The following COL27A1 variants were observed in gnomAD, a reference collection of about 807,000 sequenced individuals.
COL27A1 encodes the protein collagen type XXVII alpha 1 chain.
A neutral mutation model predicts 251.3 loss-of-function variants in COL27A1; 106 were observed. The ratio of observed to expected loss-of-function variants is 0.42; its 90% CI spans 0.36 to 0.50. The LOEUF is 0.50. Ranked by LOEUF, COL27A1 falls within the 20% of genes least tolerant of loss-of-function variation. The pLI is 0.00. For missense variants in COL27A1, 2,325 were observed against 2,522.8 expected (o/e 0.92, Z 1.68); for synonymous variants, 1,000 against 986.3 (o/e 1.01, Z -0.26).
At position 114,205,696 on chromosome 9, in the gene COL27A1, C is replaced by A; in HGVS notation, c.2170-63C>A. The A allele has an allele frequency of 2.1e-6, 3 of 1,430,230 alleles. No individual in the cohort carries two copies. The South Asian group carries it at 3.4e-5, about 16-fold the overall frequency. The allele number at this position is 1,430,230 out of a possible 1,614,324, so 88.6% of individuals were successfully genotyped here. A position where few individuals can be genotyped will look rare whatever the true frequency, so the allele number is the denominator to read the frequency against. ...ATTGTCAGCCCCAGTCTCCCAGGGT[C>A]CCCCAGACCCAGAGCTGGGCAGGGT... is the stretch of plus-strand genomic sequence containing the variant. On this transcript the variant is annotated intron_variant, in intron 8 of 60. Coordinates refer to ENST00000356083, the MANE Select transcript of COL27A1 (RefSeq NM_032888.4).
At position 114,266,529 on chromosome 9, in the gene COL27A1, C is replaced by G. The variant is rs371261006; in HGVS notation, c.3394-36C>G. The G allele has an allele frequency of 6.9e-6, 11 of 1,600,320 alleles. No homozygotes were observed. In the African/African-American group the frequency reaches 1.2e-4, roughly 18 times the overall value. Reference sequence around the variant, plus strand: ...GATCCCAAAGAGGGCCCAGGCTGACCTCTCCCAACTGTCTGTGTGTCTGTC... The same window carrying G: ...GATCCCAAAGAGGGCCCAGGCTGACGTCTCCCAACTGTCTGTGTGTCTGTC... On this transcript the variant is annotated intron_variant, in intron 32 of 60. Coordinates refer to ENST00000356083, the MANE Select transcript of COL27A1 (RefSeq NM_032888.4).
chr9:114,305,663 G>C (rs1217152024), intron 57 of COL27A1, among the ~76,000 whole-genome samples: 1 of 152,136 alleles, frequency 6.6e-6, no homozygotes, highest in African/African-American at 2.4e-5. Context: ...CACACCAGGG[G>C]GAGGCACCAC....
upstream of COL27A1, among the ~76,000 whole-genome samples, chr9:114,154,892 A>G (rs1309907361): frequency 1.3e-5 from 2 of 151,992 alleles, no homozygotes; most frequent in African/African-American, 4.8e-5. The surrounding 1 kb of genome is among the most constrained non-coding windows in gnomAD (Gnocchi z 5.8). Flanking sequence ...TTTGGGTGTG[A>G]GAATTTGCCC....
chr9:114,228,883 G>T (rs533501365), intron 14 of COL27A1, among the ~76,000 whole-genome samples: 9 of 151,836 alleles, frequency 5.9e-5, no homozygotes, highest in Non-Finnish European at 1.0e-4. Context: ...GTTCAATGAC[G>T]CTATCACAGC....
intron 37 of COL27A1, among the ~76,000 whole-genome samples, chr9:114,280,588 T>C (rs891447715): frequency 2.0e-5 from 3 of 152,224 alleles, no homozygotes; most frequent in African/African-American, 7.2e-5. Context: ...AAGTGTTCGG[T>C]AGCTGTATGT....
chr9:114,252,925 G>A lies in COL27A1; in HGVS notation c.3134G>A (p.Gly1045Glu). ...PGGMGTPGEP[G>E]PQGPPGSRGP... ...GGTATGGGGACCCCTGGAGAGCCTG[G>A]ACCCCAGGTAAGCAAAGCCCTCGTG... The change falls in exon 27 of 61, where the codon GGA becomes GAA. Residue 1045 changes from glycine to glutamate, a missense_variant. Gly to Glu is a moderately conservative substitution (Grantham distance 98). Transcript: ENST00000356083. 1 of 1,613,184 alleles carries A rather than the reference G, an allele frequency of 6.2e-7. No individual in the cohort carries two copies. The highest frequency in any genetic ancestry group is 8.5e-7 in the Non-Finnish European group (1 of 1,179,426).
At chr9:114,258,036 A>G (rs1043872747) in intron 27 of COL27A1, among the ~76,000 whole-genome samples, 5 of 152,112 alleles carry the variant, frequency 3.3e-5, no homozygotes, top group African/African-American at 1.2e-4. Context: ...TGTCTCCACA[A>G]AAATAAGAAA....
At chr9:114,257,612 G>A (rs113235891) in intron 27 of COL27A1, among the ~76,000 whole-genome samples, 1 of 151,410 alleles carries the variant, frequency 6.6e-6, no homozygotes, top group Non-Finnish European at 1.5e-5. Flanking sequence ...CTGCCCATTT[G>A]CCCGGGGCTG....
Position 114,280,865 on chromosome 9 carries a change from A to C in COL27A1, c.3718-1412A>C, listed in dbSNP as rs530427306. 2.6e-5 allele frequency among the ~76,000 whole-genome samples: 4 copies of C among 152,324 alleles called. No homozygotes were observed. The South Asian group carries it at 8.3e-4, about 32-fold the overall frequency. Reference sequence around the variant, plus strand: ...GAGCAGACATTTCTCCCTTGTGCTGAATCAAAGCCAGCCGCCCCATAATTT... The same window carrying C: ...GAGCAGACATTTCTCCCTTGTGCTGCATCAAAGCCAGCCGCCCCATAATTT... On this transcript the variant is annotated intron_variant, in intron 37 of 60. Coordinates refer to ENST00000356083, the MANE Select transcript of COL27A1 (RefSeq NM_032888.4).
At chr9:114,306,337 C>T (rs1829043668) in intron 57 of COL27A1, 183 bp from the exon 58 acceptor site, 3 of 599,318 alleles carry the variant, frequency 5.0e-6, no homozygotes, top group East Asian at 5.7e-5. Flanking sequence ...AGCCTCTCCT[C>T]CTGCACTTTG....
intron 49 of COL27A1, among the ~76,000 whole-genome samples, chr9:114,296,434 A>C (rs1828262663): frequency 6.6e-6 from 1 of 152,238 alleles, no homozygotes; most frequent in Admixed American, 6.5e-5. Flanking sequence ...ACTGATAGCA[A>C]ATAAGCACAT....
intron 24 of COL27A1, among the ~76,000 whole-genome samples, chr9:114,247,247 G>A (rs1833203565): frequency 6.6e-6 from 1 of 152,186 alleles, no homozygotes; most frequent in Non-Finnish European, 1.5e-5. Flanking sequence ...GTAATGCCAA[G>A]CCTTAGTGAT....
chr9:114,267,697 G>A (rs1382851325), intron 34 of COL27A1, 140 bp downstream of exon 34: 4 of 809,386 alleles, frequency 4.9e-6, no homozygotes, highest in Non-Finnish European at 3.9e-6. Flanking sequence ...TGGGGAGTGG[G>A]GCCTGGTTAG....
chr9:114,180,508 C>T (rs1827819024), intron 4 of COL27A1, among the ~76,000 whole-genome samples: 2 of 152,180 alleles, frequency 1.3e-5, no homozygotes, highest in South Asian at 4.1e-4. Flanking sequence ...CCCGCCGTCC[C>T]ACCATCATCC....
rs56094843 is a variant in COL27A1, at chr9:114,311,548, G to GAAAAAAAAAAAAAA, written c.*857_*870dup. 1 of 96,220 alleles carries GAAAAAAAAAAAAAA rather than the reference G, an allele frequency of 1.0e-5. No homozygotes were observed. Among genetic ancestry groups the GAAAAAAAAAAAAAA allele is most frequent in the Non-Finnish European group, 2.4e-5 (1 of 41,944 alleles). 6.0% of individuals were successfully genotyped at this position (96,220 alleles called of 1,614,324 possible). On this transcript the variant is annotated 3_prime_UTR_variant, in exon 61 of 61. Transcript: ENST00000356083. ...AGGAGGAAAAAAGAAAAGAAAAAAG[G>GAAAAAAAAAAAAAA]AAAAAAAAAAAAAAAAAGCAAAACA... is the stretch of plus-strand genomic sequence containing the variant.
At chr9:114,179,339 C>T (rs1182644692) in intron 4 of COL27A1, among the ~76,000 whole-genome samples, 5 of 152,182 alleles carry the variant, frequency 3.3e-5, no homozygotes, top group Non-Finnish European at 7.4e-5. Context: ...AGCACGTGCC[C>T]TCTGGGGACC....
intron 7 of COL27A1, among the ~76,000 whole-genome samples, chr9:114,204,756 GAC>G (rs1467274461): frequency 6.6e-6 from 1 of 152,144 alleles, no homozygotes; most frequent in African/African-American, 2.4e-5. Context: ...AGCCCTGAGA[GAC>G]GGTCTCGCCT....
rs778225067 is a variant in COL27A1, at chr9:114,168,329, T to C, written c.774T>C (p.Phe258=). ...TCTCCCAAGACTCTGGCAGACCTTT[T>C]ACCTTCCAGTCCGACCTCGCCCTGC... ...PLFSQDSGRP[F]TFQSDLALLG... The change falls in exon 3 of 61, where the codon TTT becomes TTC. Residue 258 remains phenylalanine, a synonymous_variant. Transcript: ENST00000356083. The C allele has an allele frequency of 6.2e-7, 1 of 1,613,302 alleles. No homozygotes were observed. Among genetic ancestry groups the C allele is most frequent in the Admixed American group, 1.7e-5 (1 of 60,030 alleles).
At chr9:114,212,053 G>A (rs1019430552) in intron 12 of COL27A1, among the ~76,000 whole-genome samples, 3 of 152,202 alleles carry the variant, frequency 2.0e-5, no homozygotes, top group Non-Finnish European at 2.9e-5. Flanking sequence ...CTGTTGGAGC[G>A]TTTAACCTGG....
Sources: allele counts gnomAD v4.1 joint callset (sites outside exome capture counted in the v4.1 genomes callset), GRCh38; gene constraint gnomAD v4.1.1; non-coding constraint Gnocchi (gnomAD v3.1); transcripts MANE v1.5; gene names NCBI Gene and HGNC (gene_info 2026-07-23, HGNC 2026-07-21).